CADM2: variants seen among roughly 807,000 people sequenced by gnomAD.
The protein encoded by CADM2 is cell adhesion molecule 2.
In CADM2, 12 loss-of-function variants were observed where a neutral mutation model predicts 49.8. That is an observed-to-expected ratio of 0.24 (90% CI 0.15 to 0.39). CADM2 has a LOEUF of 0.39. Ranked by LOEUF, CADM2 falls within the 10% of genes least tolerant of loss-of-function variation. The pLI, the probability that CADM2 is intolerant of heterozygous loss-of-function variation, is 1.00. For synonymous variants in CADM2, 214 were observed against 175.4 expected (o/e 1.22, Z -1.74); for missense variants, 378 against 492.3 (o/e 0.77, Z 2.20).
At chr3:85,508,380 T>C (rs1026453438) in intron 1 of CADM2, among the ~76,000 whole-genome samples, 1 of 152,190 alleles carries the variant, frequency 6.6e-6, no homozygotes, top group African/African-American at 2.4e-5. Context: ...TAATGTGTAT[T>C]CTGTGAAGAG....
At chr3:85,345,758 A>G (rs2030572135) in intron 1 of CADM2, among the ~76,000 whole-genome samples, 1 of 152,206 alleles carries the variant, frequency 6.6e-6, no homozygotes, top group Non-Finnish European at 1.5e-5. Context: ...GGAAGAACTT[A>G]AATTTGTCTT....
At chr3:85,746,792 C>G (rs1162492906) in intron 2 of CADM2, among the ~76,000 whole-genome samples, 2 of 152,078 alleles carry the variant, frequency 1.3e-5, no homozygotes, top group Admixed American at 1.3e-4. Context: ...TCCAATTTCT[C>G]TTCTACTCAT....
intron 1 of CADM2, among the ~76,000 whole-genome samples, chr3:85,441,310 T>G (rs565921515): frequency 1.3e-5 from 2 of 152,102 alleles, no homozygotes; most frequent in Middle Eastern, 6.8e-3. Flanking sequence ...TGATACATTT[T>G]TCACATTACA....
intron 1 of CADM2, among the ~76,000 whole-genome samples, chr3:85,385,366 A>G (rs1411929944): frequency 2.0e-5 from 3 of 152,228 alleles, no homozygotes; most frequent in Non-Finnish European, 4.4e-5. Flanking sequence ...GCAGGGAGGG[A>G]AAATGTATAG....
intron 2 of CADM2, among the ~76,000 whole-genome samples, chr3:85,769,677 T>C (rs1440860496): frequency 2.1e-5 from 3 of 144,278 alleles, no homozygotes; most frequent in Admixed American, 7.3e-5. Flanking sequence ...TATACACATA[T>C]ATACATATAT....
chr3:85,328,672 A>G (rs570092487), intron 1 of CADM2, among the ~76,000 whole-genome samples: 213 of 152,206 alleles, frequency 1.4e-3, no homozygotes, highest in Non-Finnish European at 2.6e-3. Context: ...AGCTCAAATC[A>G]CCAAGTGAAA....
chr3:85,297,302 G>A (rs1459032182), intron 1 of CADM2, among the ~76,000 whole-genome samples: 1 of 152,000 alleles, frequency 6.6e-6, no homozygotes, highest in African/African-American at 2.4e-5. Flanking sequence ...TATTCACAAA[G>A]CTCTGAACTC....
chr3:86,039,959 A>G (rs1374140870), intron 8 of CADM2, among the ~76,000 whole-genome samples: 1 of 152,154 alleles, frequency 6.6e-6, no homozygotes, highest in African/African-American at 2.4e-5. Context: ...TGCTGCTGAT[A>G]CCCAGGCAAA....
rs565729679 is a variant in CADM2 at position 85,241,965 on chromosome 3, C to A, written c.61+282297C>A. 9.9e-5 allele frequency among the ~76,000 whole-genome samples: 15 copies of A among 151,416 alleles called. No individual in the cohort carries two copies. In the East Asian group the frequency reaches 2.9e-3, roughly 29 times the overall value. ...TTTGAGAGTCGTGTGAAGGGTGATC[C>A]AGCTGATATTAATAGAGTAGTTGCA... On this transcript the variant is annotated intron_variant, in intron 1 of 9. Transcript: ENST00000383699.
At chr3:85,192,735 A>C (rs1438257681) in intron 1 of CADM2, among the ~76,000 whole-genome samples, 1 of 152,000 alleles carries the variant, frequency 6.6e-6, no homozygotes, top group African/African-American at 2.4e-5. Flanking sequence ...TTGCTACTTA[A>C]AGTACCAGAC....
chr3:85,999,275 G>GGC lies in CADM2; in HGVS notation c.970+37629_970+37630insCG, dbSNP rs1559791921. Among the ~76,000 whole-genome samples the GGC allele has an allele frequency of 2.6e-3, 396 of 151,392 alleles. 4 individuals carry two copies. Among genetic ancestry groups the GGC allele is most frequent in the African/African-American group, 8.8e-3 (364 of 41,294 alleles). ...TCACTTTGGGAGGCCGAGGGTTGGGGGGTGGATCACTTGAGTTCAGGAGTT... is the reference window on the plus strand; with the variant it reads ...TCACTTTGGGAGGCCGAGGGTTGGGGGCGGTGGATCACTTGAGTTCAGGAGTT... On this transcript the variant is annotated intron_variant, in intron 8 of 9. Coordinates refer to ENST00000383699, the MANE Select transcript of CADM2 (RefSeq NM_001167675.2).
chr3:85,108,326 A>G (rs545943898), intron 1 of CADM2, among the ~76,000 whole-genome samples: 9 of 152,226 alleles, frequency 5.9e-5, no homozygotes, highest in Non-Finnish European at 8.8e-5. Context: ...GGTTGCATAG[A>G]TAAAATGTGG....
intron 1 of CADM2, among the ~76,000 whole-genome samples, chr3:85,028,945 A>ATT (rs10689782): frequency 1.3e-5 from 2 of 150,292 alleles, no homozygotes; most frequent in African/African-American, 2.4e-5. Flanking sequence ...ATACTGTTTT[A>ATT]CCGAAATAAA....
intron 1 of CADM2, among the ~76,000 whole-genome samples, chr3:85,438,209 C>A (rs956232242): frequency 1.3e-5 from 2 of 151,686 alleles, no homozygotes; most frequent in African/African-American, 4.8e-5. Flanking sequence ...AAATTCATAC[C>A]ATGATCTTAA....
intron 2 of CADM2, among the ~76,000 whole-genome samples, chr3:85,796,196 C>G (rs1219994668): frequency 6.6e-6 from 1 of 152,180 alleles, no homozygotes; most frequent in East Asian, 1.9e-4. Context: ...TAAAGAATAA[C>G]TCCCTGATTG....
chr3:85,992,283 G>A (rs1728873642), intron 8 of CADM2: 1 of 151,906 alleles, frequency 6.6e-6, no homozygotes, highest in Non-Finnish European at 1.5e-5. Context: ...TATCATTTAT[G>A]TCATGATCAT....
intron 1 of CADM2, among the ~76,000 whole-genome samples, chr3:85,173,468 A>G (rs1576040013): frequency 6.7e-6 from 1 of 150,088 alleles, no homozygotes; most frequent in Non-Finnish European, 1.5e-5. Context: ...TTTCTGCTAA[A>G]ATTTCTCAAG....
intron 1 of CADM2, among the ~76,000 whole-genome samples, chr3:85,205,354 T>A (rs762497851): frequency 2.6e-5 from 4 of 152,148 alleles, no homozygotes; most frequent in Non-Finnish European, 5.9e-5. Flanking sequence ...TGTTTGAAAA[T>A]CTGTTTAAAT....
chr3:85,853,318 A>C (rs57533494), intron 3 of CADM2, among the ~76,000 whole-genome samples: 46,268 of 151,760 alleles, frequency 0.3, 7,251 homozygotes, highest in East Asian at 0.46. Flanking sequence ...AACAACAACA[A>C]CACAAATAGA....
Sources: gnomAD v4.1 joint callset for allele counts (sites outside exome capture counted in the v4.1 genomes callset) on GRCh38, gnomAD v4.1.1 for gene constraint, MANE v1.5 for transcripts, NCBI Gene and HGNC (gene_info 2026-07-23, HGNC 2026-07-21) for gene names.